The following M1AP variants were observed in gnomAD, a reference collection of about 807,000 sequenced individuals.
The protein encoded by M1AP is meiosis 1 arrest protein.
M1AP carries 39 observed loss-of-function variants against 51.2 expected under a neutral mutation model. That is an observed-to-expected ratio of 0.76 (90% confidence interval 0.59 to 1.00). The LOEUF (loss-of-function observed/expected upper bound fraction) is 1.00, where lower values mean the gene tolerates loss of function less well. M1AP is among the 50% of genes least tolerant of loss of function. The pLI is 0.00. For synonymous variants in M1AP, 251 were observed against 249.2 expected (o/e 1.01, Z -0.07); for missense variants, 545 against 641.2 (o/e 0.85, Z 1.62).
intron 1 of M1AP, among the ~76,000 whole-genome samples, chr2:74,642,445 G>A (rs2104851713): frequency 6.6e-6 from 1 of 152,276 alleles, no homozygotes; most frequent in East Asian, 1.9e-4. Context: ...ATTTGTGCAT[G>A]ATAAAGACTG....
intron 7 of M1AP, among the ~76,000 whole-genome samples, chr2:74,569,899 T>C (rs1204030604): frequency 2.7e-5 from 4 of 148,122 alleles, no homozygotes; most frequent in Non-Finnish European, 5.9e-5. Context: ...TGTATGTGTG[T>C]GTGTGCATGC....
rs368627831 is a variant in M1AP at position 74,575,538 on chromosome 2, C to T, written c.974G>A (p.Gly325Glu). 3.7e-6 allele frequency: 6 copies of T among 1,614,022 alleles called. No homozygotes were observed. Among genetic ancestry groups the T allele is most frequent in the Non-Finnish European group, 5.1e-6 (6 of 1,180,030 alleles). The change falls in exon 7 of 11, where the codon GGA (glycine) becomes GAA (glutamate). Residue 325 changes from glycine to glutamate, a missense_variant. Transcript: ENST00000421985. ...TGTAGGTCTGAGGATGAACGGGAGT[C>T]CATATGTCAATGACTCGCAGAGCCC... ...SSGLCESLTY[G>E]LPFILRPTSC... is the part of the protein sequence containing the mutation.
At chr2:74,627,443 T>A (rs937777632) in intron 2 of M1AP, among the ~76,000 whole-genome samples, 20 of 152,176 alleles carry the variant, frequency 1.3e-4, no homozygotes, top group Non-Finnish European at 1.8e-4. Context: ...AATAACAATT[T>A]AATCTCCTCT....
intron 2 of M1AP, among the ~76,000 whole-genome samples, chr2:74,616,978 T>C (rs1006702517): frequency 1.3e-5 from 2 of 152,216 alleles, no homozygotes; most frequent in African/African-American, 4.8e-5. Context: ...TGCATCATTA[T>C]AAACAGAGAA....
intron 5 of M1AP, among the ~76,000 whole-genome samples, chr2:74,580,969 C>T (rs1396582064): frequency 6.6e-6 from 1 of 152,124 alleles, no homozygotes; most frequent in Non-Finnish European, 1.5e-5. Flanking sequence ...GCCCAGCCAC[C>T]CCAGGTCCCG....
intron 1 of M1AP, chr2:74,647,299 T>G (rs1399505913): frequency 3.0e-6 from 3 of 985,294 alleles, no homozygotes; most frequent in Non-Finnish European, 3.6e-6. Flanking sequence ...CTTCTCGCTG[T>G]GTCTGCCTCT....
chr2:74,638,624 G>A lies in M1AP; in HGVS notation c.240+1412C>T, dbSNP rs1683118487. On this transcript the variant is annotated intron_variant, in intron 2 of 10. Transcript: ENST00000421985. Reference sequence around the variant, plus strand: ...GGAGAAGCCCGCTGCCACAAATTAAGGACATTCAAGCAGCCCTTTGGAGAG... The same window carrying A: ...GGAGAAGCCCGCTGCCACAAATTAAAGACATTCAAGCAGCCCTTTGGAGAG... Among the ~76,000 whole-genome samples, 3 of 152,168 alleles carry A rather than the reference G, an allele frequency of 2.0e-5. No individual in the cohort carries two copies. In the South Asian group the frequency reaches 6.2e-4, roughly 32 times the overall value.
intron 2 of M1AP, among the ~76,000 whole-genome samples, chr2:74,635,756 T>C (rs1457965098): frequency 6.6e-6 from 1 of 152,140 alleles, no homozygotes; most frequent in Non-Finnish European, 1.5e-5. Context: ...TAGAAGTGTG[T>C]TGTTTAGTTT....
chr2:74,595,855 G>A (rs1380869378), intron 4 of M1AP, among the ~76,000 whole-genome samples: 3 of 152,114 alleles, frequency 2.0e-5, no homozygotes, highest in Non-Finnish European at 4.4e-5. Context: ...TGCATTTTAT[G>A]TGAATATTGT....
At chr2:74,582,294 A>G (rs1453639370) in intron 4 of M1AP, among the ~76,000 whole-genome samples, 2 of 152,186 alleles carry the variant, frequency 1.3e-5, no homozygotes, top group African/African-American at 4.8e-5. Flanking sequence ...CATCTAGCCT[A>G]GAGACATTCT....
At chr2:74,565,028 C>A (rs570352800) in intron 7 of M1AP, among the ~76,000 whole-genome samples, 13 of 152,282 alleles carry the variant, frequency 8.5e-5, no homozygotes, top group African/African-American at 2.9e-4. Context: ...TGAGACCAGT[C>A]TGGCCAACAT....
chr2:74,614,872 GA>G, intron 3 of M1AP, 91 bp downstream of exon 3: 1 of 1,196,014 alleles, frequency 8.4e-7, no homozygotes, highest in Non-Finnish European at 1.2e-6. Context: ...TAGAGTGAAT[GA>G]AAGATAGAAC....
chr2:74,595,062 C>T (rs1378698757), intron 4 of M1AP, among the ~76,000 whole-genome samples: 3 of 152,044 alleles, frequency 2.0e-5, no homozygotes. Context: ...GAGTTAGAGA[C>T]TGTAACTTTT....
At position 74,644,089 on chromosome 2, in the gene M1AP, C is replaced by T. The variant is rs541329055; in HGVS notation, c.-52-3762G>A. 4.6e-4 allele frequency among the ~76,000 whole-genome samples: 70 copies of T among 152,004 alleles called. 1 individual carries two copies. Among genetic ancestry groups the T allele is most frequent in the African/African-American group, 1.5e-3 (62 of 41,474 alleles). The stretch of plus-strand genomic sequence containing the variant: ...AAAAAGATAGCTAAAAAATATGTCC[C>T]CACCTCTGAGAACTAAAATCATTCT... On this transcript the variant is annotated intron_variant, in intron 1 of 10. Coordinates refer to ENST00000421985, the MANE Select transcript of M1AP (RefSeq NM_001321739.2).
rs1376370750 is a variant in M1AP, at chr2:74,562,231, G to A, written c.1267C>T (p.Leu423Phe). Residue 423 changes from leucine to phenylalanine, a missense_variant, in exon 8 of 11, where the codon CTT becomes TTT. Physicochemically the swap from Leu to Phe is conservative, Grantham distance 22. Transcript: ENST00000421985. The part of the protein sequence containing the change: ...LLPEDPHDDS[L>F]KNVESMLDSL... The stretch of plus-strand genomic sequence containing the variant: ...GCTCCACTTGCCTCCACATTCTTAA[G>A]GCTATCATCATGTGGGTCCTCAGGT... 1 of 1,612,568 alleles carries A rather than the reference G, an allele frequency of 6.2e-7. No individual in the cohort carries two copies.
chr2:74,590,850 C>G (rs1449999467), intron 4 of M1AP, among the ~76,000 whole-genome samples: 1 of 152,178 alleles, frequency 6.6e-6, no homozygotes, highest in Non-Finnish European at 1.5e-5. Flanking sequence ...GTTGTAGCAC[C>G]TTATCTACCT....
intron 5 of M1AP, among the ~76,000 whole-genome samples, chr2:74,579,773 GTCT>G (rs1190919370): frequency 2.6e-5 from 4 of 151,940 alleles, no homozygotes; most frequent in South Asian, 2.1e-4. Context: ...AACGGGCAAT[GTCT>G]TCTTTCTTTT....
intron 2 of M1AP, chr2:74,618,748 T>C (rs1681828639): frequency 4.2e-6 from 1 of 238,004 alleles, no homozygotes; most frequent in Non-Finnish European, 8.7e-6. Flanking sequence ...AGTTCACAGG[T>C]GCAAATGTGC....
At position 74,607,634 on chromosome 2, in the gene M1AP, C is replaced by T. The variant is rs191485465; in HGVS notation, c.427-411G>A. 2.3e-3 allele frequency among the ~76,000 whole-genome samples: 347 copies of T among 152,164 alleles called. 1 individual carries two copies. Among genetic ancestry groups the T allele is most frequent in the African/African-American group, 8.1e-3 (336 of 41,508 alleles). On this transcript the variant is annotated intron_variant, in intron 3 of 10. Transcript: ENST00000421985. ...GATTACAGGCACGTGCCACCACACC[C>T]GGGTAATTTTTTTTGTATTTTTAGT...
Sources: gnomAD v4.1 joint callset for allele counts (sites outside exome capture counted in the v4.1 genomes callset) on GRCh38, gnomAD v4.1.1 for gene constraint, MANE v1.5 for transcripts, NCBI Gene and HGNC (gene_info 2026-07-23, HGNC 2026-07-21) for gene names.